The following PPM1L variants were observed in gnomAD, a reference collection of about 807,000 sequenced individuals.
PPM1L encodes protein phosphatase 1L.
A neutral mutation model predicts 31.4 loss-of-function variants in PPM1L; 13 were observed. The observed-to-expected ratio is 0.41, with a 90% confidence interval of 0.27 to 0.66. PPM1L has a LOEUF of 0.66. Ranked by LOEUF, PPM1L falls within the 30% of genes least tolerant of loss-of-function variation. The pLI, the probability that PPM1L is intolerant of heterozygous loss-of-function variation, is 0.29. For synonymous variants in PPM1L, 184 were observed against 175.4 expected (o/e 1.05, Z -0.39); for missense variants, 326 against 453.7 (o/e 0.72, Z 2.56).
chr3:160,834,757 A>G (rs982503117), intron 1 of PPM1L, among the ~76,000 whole-genome samples: 3 of 152,176 alleles, frequency 2.0e-5, no homozygotes, highest in African/African-American at 4.8e-5. Context: ...TCATGTATCA[A>G]TAGCTTGTTC....
At chr3:161,046,948 T>C (rs1719100088) in intron 2 of PPM1L, among the ~76,000 whole-genome samples, 1 of 152,166 alleles carries the variant, frequency 6.6e-6, no homozygotes, top group Non-Finnish European at 1.5e-5. Flanking sequence ...CTCAAAATAA[T>C]AAGAGCTACT....
In PPM1L at chr3:160,946,832, A is replaced by G. The variant is rs570653723; in HGVS notation, c.400-14904A>G. 3.5e-3 allele frequency among the ~76,000 whole-genome samples: 526 copies of G among 152,282 alleles called. 6 individuals are homozygous for G. The highest frequency in any genetic ancestry group is 0.012 in the African/African-American group (508 of 41,564). The stretch of plus-strand genomic sequence containing the variant: ...TGAGTTTTGGGGCAAGAATTTTACA[A>G]ATTGAGATGAATGATTTGAAGTTAG... On this transcript the variant is annotated intron_variant, in intron 1 of 3. Transcript: ENST00000498165.
At chr3:160,964,876 A>G (rs144739274) in intron 2 of PPM1L, among the ~76,000 whole-genome samples, 1 of 152,178 alleles carries the variant, frequency 6.6e-6, no homozygotes, top group Non-Finnish European at 1.5e-5. Context: ...AATTATTTCA[A>G]TCAAAGAAAG....
At chr3:160,797,574 G>A (rs1383883351) in intron 1 of PPM1L, among the ~76,000 whole-genome samples, 1 of 152,180 alleles carries the variant, frequency 6.6e-6, no homozygotes, top group Non-Finnish European at 1.5e-5. Context: ...TAAGGCTCTT[G>A]CAACAGACAG....
At chr3:160,970,838 G>A (rs534014904) in intron 2 of PPM1L, among the ~76,000 whole-genome samples, 2 of 127,806 alleles carry the variant, frequency 1.6e-5, no homozygotes, top group East Asian at 4.2e-4. Flanking sequence ...CGCCCAGGCT[G>A]GAGTGCAGTG....
intron 2 of PPM1L, among the ~76,000 whole-genome samples, chr3:161,048,933 G>A (rs1233575073): frequency 1.8e-4 from 20 of 111,374 alleles, no homozygotes; most frequent in Non-Finnish European, 3.1e-4. Context: ...CCTGTCGTGG[G>A]GTGGGGGGAG....
intron 2 of PPM1L, among the ~76,000 whole-genome samples, chr3:160,972,269 T>C (rs1437096367): frequency 6.6e-6 from 1 of 152,138 alleles, no homozygotes; most frequent in African/African-American, 2.4e-5. Flanking sequence ...TACATATGTA[T>C]ACATGTGCCA....
chr3:161,007,747 T>C (rs1717760002), intron 2 of PPM1L, among the ~76,000 whole-genome samples: 1 of 152,136 alleles, frequency 6.6e-6, no homozygotes, highest in African/African-American at 2.4e-5. Context: ...AGCCAAAAGA[T>C]TGGACACCCC....
chr3:160,985,009 TAACCAAAATGTAAG>T (rs1716919487), intron 2 of PPM1L, among the ~76,000 whole-genome samples: 1 of 152,180 alleles, frequency 6.6e-6, no homozygotes, highest in East Asian at 1.9e-4. Context: ...AACATTTATC[TAACCAAAATGTAAG>T]TAGTGCCAAG....
intron 1 of PPM1L, among the ~76,000 whole-genome samples, chr3:160,906,341 C>T (rs146588605): frequency 0.029 from 4,486 of 152,216 alleles, 112 homozygotes; most frequent in Non-Finnish European, 0.041. Context: ...CAGTGGCTCA[C>T]GCCTGTAATC....
At chr3:161,058,076 C>T (rs1388880338) in intron 2 of PPM1L, among the ~76,000 whole-genome samples, 1 of 140,068 alleles carries the variant, frequency 7.1e-6, no homozygotes, top group South Asian at 2.2e-4. Context: ...AAATGTTTAG[C>T]ATTATAATAA....
At chr3:160,795,678 T>C (rs1296428028) in intron 1 of PPM1L, among the ~76,000 whole-genome samples, 1 of 152,232 alleles carries the variant, frequency 6.6e-6, no homozygotes, top group Non-Finnish European at 1.5e-5. Flanking sequence ...ATGGCAAATT[T>C]ATCTTGATAC....
At chr3:161,052,907 T>C (rs1214043317) in intron 2 of PPM1L, among the ~76,000 whole-genome samples, 1 of 152,204 alleles carries the variant, frequency 6.6e-6, no homozygotes, top group Non-Finnish European at 1.5e-5. Flanking sequence ...GCCTTTCTCC[T>C]CTCTGCCTTT....
intron 2 of PPM1L, chr3:161,022,039 C>T (rs1461385080): frequency 8.3e-6 from 4 of 480,476 alleles, no homozygotes; most frequent in African/African-American, 2.0e-5. Flanking sequence ...TACTATTTTA[C>T]TATTTGTTTT....
At chr3:161,002,287 A>G (rs1209758605) in intron 2 of PPM1L, among the ~76,000 whole-genome samples, 1 of 152,136 alleles carries the variant, frequency 6.6e-6, no homozygotes, top group African/African-American at 2.4e-5. Flanking sequence ...GAATAATGCC[A>G]CAATAAACAT....
intron 1 of PPM1L, among the ~76,000 whole-genome samples, chr3:160,816,865 C>T (rs1460196846): frequency 3.3e-5 from 5 of 152,052 alleles, no homozygotes; most frequent in South Asian, 4.1e-4. Context: ...CTACAACCAA[C>T]GTCTCCTTCC....
chr3:161,069,837 C>CTATTAAA lies in PPM1L; in HGVS notation c.*680_*681insTATTAAA, dbSNP rs1193920858. 6.6e-6 allele frequency: 1 copy of CTATTAAA among 152,416 alleles called. No homozygotes were observed. Among genetic ancestry groups the CTATTAAA allele is most frequent in the Non-Finnish European group, 1.5e-5 (1 of 68,200 alleles). The allele number at this position is 152,416 out of a possible 1,614,324, so 9.4% of individuals were successfully genotyped here. ...TTAATAGTTAAATAGACTTTGTATACCACCTGACCAGCCTTTGTGCATTTA... is the reference window on the plus strand; with the variant it reads ...TTAATAGTTAAATAGACTTTGTATACTATTAAACACCTGACCAGCCTTTGTGCATTTA... On this transcript the variant is annotated 3_prime_UTR_variant, in exon 4 of 4. Transcript: ENST00000498165.
Position 160,773,356 on chromosome 3 carries a change from C to T in PPM1L, c.399+16649C>T, listed in dbSNP as rs1305721077. Among the ~76,000 whole-genome samples, 4 of 150,244 alleles carry T rather than the reference C, an allele frequency of 2.7e-5. No individual in the cohort carries two copies. The South Asian group carries it at 6.4e-4, about 24-fold the overall frequency. On this transcript the variant is annotated intron_variant, in intron 1 of 3. Transcript: ENST00000498165. ...TTATCTCGTAAAATCTGACTTTTGT[C>T]CTTGCCCCTATAATGAGTGAAAAGA...
intron 2 of PPM1L, among the ~76,000 whole-genome samples, chr3:161,007,984 G>A (rs1717768615): frequency 6.6e-6 from 1 of 152,138 alleles, no homozygotes. Context: ...GGCCTCAGAA[G>A]CAAACATCTA....
Sources: allele counts gnomAD v4.1 joint callset (sites outside exome capture counted in the v4.1 genomes callset), GRCh38; gene constraint gnomAD v4.1.1; transcripts MANE v1.5; gene names NCBI Gene and HGNC (gene_info 2026-07-23, HGNC 2026-07-21).